The following MOBP variants were observed in gnomAD, a reference collection of about 807,000 sequenced individuals.
MOBP encodes myelin associated oligodendrocyte basic protein, also known as myelin-associated oligodendrocyte basic protein.
A neutral mutation model predicts 15.0 loss-of-function variants in MOBP; 5 were observed. The observed-to-expected ratio is 0.33, with a 90% confidence interval of 0.17 to 0.70. The LOEUF (loss-of-function observed/expected upper bound fraction) is 0.70. Ranked by LOEUF, MOBP falls within the 30% of genes least tolerant of loss-of-function variation. The pLI is 0.67. For synonymous variants in MOBP, 88 were observed against 99.0 expected (o/e 0.89, Z 0.66); for missense variants, 188 against 257.8 (o/e 0.73, Z 1.85).
intron 4 of MOBP, among the ~76,000 whole-genome samples, chr3:39,509,286 A>C (rs1302633433): frequency 4.6e-5 from 7 of 152,156 alleles, no homozygotes; most frequent in African/African-American, 7.2e-5. Context: ...TATTTGTTTA[A>C]ACTTCTAAGA....
chr3:39,484,608 C>A (rs556070), intron 2 of MOBP, among the ~76,000 whole-genome samples: 3,142 of 152,164 alleles, frequency 0.021, 110 homozygotes, highest in African/African-American at 0.072. Context: ...TAAACTAAAA[C>A]CATGTATTGT....
At chr3:39,489,685 T>C (rs999957048) in intron 2 of MOBP, among the ~76,000 whole-genome samples, 7 of 126,418 alleles carry the variant, frequency 5.5e-5, no homozygotes, top group Non-Finnish European at 1.1e-4. Context: ...GGGTGTATTG[T>C]TCCCCGCCCA....
At chr3:39,469,234 G>GTGTGTATATATACACATACATA (rs1559412392) in intron 1 of MOBP, among the ~76,000 whole-genome samples, 1 of 48,878 alleles carries the variant, frequency 2.0e-5, no homozygotes, top group African/African-American at 6.3e-5. Context: ...ATATACATAT[G>GTGTGTATATATACACATACATA]TGTGTGTATA....
chr3:39,497,603 T>C (rs538214), intron 2 of MOBP, among the ~76,000 whole-genome samples: 41,949 of 152,182 alleles, frequency 0.28, 6,924 homozygotes, highest in African/African-American at 0.46. Flanking sequence ...ATGGACTTAG[T>C]CATGTTCTGT....
chr3:39,495,762 A>AC (rs1488082949), intron 2 of MOBP, among the ~76,000 whole-genome samples: 2 of 150,882 alleles, frequency 1.3e-5, no homozygotes, highest in African/African-American at 4.9e-5. Flanking sequence ...AAAAAAAAAA[A>AC]AAAAAGAAAA....
downstream of MOBP, among the ~76,000 whole-genome samples, chr3:39,506,130 C>T (rs1011200753): frequency 6.6e-6 from 1 of 152,166 alleles, no homozygotes; most frequent in Admixed American, 6.5e-5. Context: ...ACCCCCCTAA[C>T]CACTTCAGCC....
At chr3:39,515,745 A>T (rs1188098367) in exon 5 of MOBP, 2 of 152,210 alleles carry the variant, frequency 1.3e-5, no homozygotes, top group African/African-American at 4.8e-5. Context: ...CTGCTCAAAT[A>T]TCGTCTCAGA....
chr3:39,513,097 C>G lies in MOBP; in HGVS notation c.*-286C>G, dbSNP rs2043141302. Among the ~76,000 whole-genome samples, 4 of 151,938 alleles carry G rather than the reference C, an allele frequency of 2.6e-5. No individual in the cohort carries two copies. In the South Asian group the frequency reaches 8.3e-4, roughly 32 times the overall value. ...GTACTTTAATTTCCTTTGTGTTTTT[C>G]TATGTTTCAAAATTATCTACAATGA... is the stretch of plus-strand genomic sequence containing the variant. On this transcript the variant is annotated intron_variant, in intron 4 of 4. Coordinates refer to the MOBP transcript ENST00000311042.
rs146796537 is a variant in MOBP at position 39,511,687 on chromosome 3, C to G, written c.*-1696C>G. Among the ~76,000 whole-genome samples, 184 of 152,278 alleles carry G rather than the reference C, an allele frequency of 1.2e-3. 1 individual carries two copies. Among genetic ancestry groups the G allele is most frequent in the Non-Finnish European group, 1.3e-3 (90 of 68,032 alleles). On this transcript the variant is annotated intron_variant, in intron 4 of 4. Transcript: ENST00000311042. Reference sequence around the variant, plus strand: ...TGCTGATCATCACTTACTTGTCCATCTTCCTTGCTGGATGGAGTGTGCATA... The same window carrying G: ...TGCTGATCATCACTTACTTGTCCATGTTCCTTGCTGGATGGAGTGTGCATA...
intron 2 of MOBP, among the ~76,000 whole-genome samples, chr3:39,484,243 A>G (rs1413898386): frequency 6.6e-6 from 1 of 152,230 alleles, no homozygotes; most frequent in Non-Finnish European, 1.5e-5. Flanking sequence ...TTCCAGGGAA[A>G]GGTCCATCTT....
chr3:39,521,598 TTCATGGGCAAGTCTACTCA>T lies in MOBP; in HGVS notation c.*259-2641_*259-2623del, dbSNP rs1301936202. Among the ~76,000 whole-genome samples, 29 of 152,312 alleles carry T rather than the reference TTCATGGGCAAGTCTACTCA, an allele frequency of 1.9e-4. 1 individual carries two copies. The South Asian group carries it at 4.6e-3, about 24-fold the overall frequency. On this transcript the variant is annotated intron_variant and NMD_transcript_variant, in intron 3 of 4. Transcript: ENST00000424090. ...AAAAATGAAAGTGTCTGCTCCTAAA[TTCATGGGCAAGTCTACTCA>T]TCACAAGTGTTGCTGGCCAACAGGG...
At chr3:39,516,201 C>T (rs2043199239), downstream of MOBP, among the ~76,000 whole-genome samples, 2 of 152,126 alleles carry the variant, frequency 1.3e-5, no homozygotes, top group East Asian at 1.9e-4. Context: ...GGCTTGACCA[C>T]GAAGGAAGGC....
intron 3 of MOBP, among the ~76,000 whole-genome samples, chr3:39,522,970 A>G (rs959316826): frequency 6.6e-6 from 1 of 152,224 alleles, no homozygotes; most frequent in African/African-American, 2.4e-5. Flanking sequence ...ATTTAGAGCA[A>G]AAGAAATAGG....
chr3:39,514,433 C>G (rs1355491232), exon 5 of MOBP: 1 of 152,270 alleles, frequency 6.6e-6, no homozygotes, highest in Non-Finnish European at 1.5e-5. Context: ...ACTTCACCAC[C>G]AGAAGTGGTG....
intron 2 of MOBP, among the ~76,000 whole-genome samples, chr3:39,482,109 G>A (rs2042637092): frequency 6.6e-6 from 1 of 151,974 alleles, no homozygotes; most frequent in African/African-American, 2.4e-5. Flanking sequence ...TCATGCTTCT[G>A]TTTTTCGCCC....
At chr3:39,518,492 T>C (rs769736911), downstream of MOBP, among the ~76,000 whole-genome samples, 83 of 152,142 alleles carry the variant, frequency 5.5e-4, no homozygotes, top group Non-Finnish European at 1.3e-4. Context: ...TGGGAAGTTA[T>C]TTACATCGAC....
intron 2 of MOBP, among the ~76,000 whole-genome samples, chr3:39,485,693 C>T (rs1315916488): frequency 1.3e-5 from 2 of 152,224 alleles, no homozygotes; most frequent in Non-Finnish European, 2.9e-5. Flanking sequence ...GTTCCTCTCA[C>T]CAAGTGCGAG....
intron 3 of MOBP, among the ~76,000 whole-genome samples, chr3:39,522,515 C>A (rs774905258): frequency 2.0e-5 from 3 of 152,114 alleles, no homozygotes; most frequent in Non-Finnish European, 2.9e-5. Context: ...GAAACCATGG[C>A]CTTAAATCCC....
At chr3:39,476,279 G>A (rs1245938757) in intron 1 of MOBP, among the ~76,000 whole-genome samples, 1 of 152,114 alleles carries the variant, frequency 6.6e-6, no homozygotes, top group Non-Finnish European at 1.5e-5. Flanking sequence ...CCAACTCTGG[G>A]GATTGCATTT....
Sources: allele counts gnomAD v4.1 joint callset (sites outside exome capture counted in the v4.1 genomes callset), GRCh38; gene constraint gnomAD v4.1.1; transcripts MANE v1.5; gene names NCBI Gene and HGNC (gene_info 2026-07-23, HGNC 2026-07-21).